Variants in NTRK3 observed in about 807,000 individuals in gnomAD.
The protein encoded by NTRK3 is neurotrophic receptor tyrosine kinase 3.
A neutral mutation model predicts 91.7 loss-of-function variants in NTRK3; 24 were observed. The ratio of observed to expected loss-of-function variants is 0.26; its 90% CI spans 0.19 to 0.37. The LOEUF (loss-of-function observed/expected upper bound fraction) is 0.37, where lower values mean the gene tolerates loss of function less well. NTRK3 is among the 10% of genes least tolerant of loss of function. The probability of loss-of-function intolerance (pLI) is 1.00; values close to 1 mark genes in which losing one functional copy is unlikely to be tolerated. For synonymous variants in NTRK3, 483 were observed against 404.0 expected, an observed-to-expected ratio of 1.20 and a Z score of -2.34; for missense variants, 880 against 1,068.9, an observed-to-expected ratio of 0.82 and a Z score of 2.46.
At chr15:87,912,529 G>A (rs578223620) in intron 17 of NTRK3, among the ~76,000 whole-genome samples, 1 of 152,190 alleles carries the variant, frequency 6.6e-6, no homozygotes, top group South Asian at 2.1e-4. Flanking sequence ...TTTGATGGTG[G>A]TTAGAGAGGA....
chr15:88,203,507 T>G (rs2048473442), intron 3 of NTRK3, among the ~76,000 whole-genome samples: 1 of 152,216 alleles, frequency 6.6e-6, no homozygotes, highest in South Asian at 2.1e-4. Flanking sequence ...TCATTCTTGT[T>G]TATAAATGAA....
chr15:87,980,403 G>A (rs1374813369), intron 14 of NTRK3, among the ~76,000 whole-genome samples: 1 of 152,072 alleles, frequency 6.6e-6, no homozygotes, highest in Non-Finnish European at 1.5e-5. Context: ...GTTTGCATGT[G>A]TATTTGTGTG....
chr15:88,038,749 A>C (rs554798844), intron 13 of NTRK3, among the ~76,000 whole-genome samples: 1 of 152,286 alleles, frequency 6.6e-6, no homozygotes, highest in Non-Finnish European at 1.5e-5. Context: ...AAAAAAGTCC[A>C]GTCTCCCCAC....
In NTRK3 at chr15:88,088,079, C is replaced by T. The variant is rs565662604; in HGVS notation, c.1396+38192G>A. ...TAAATAAGTAAATGAATACTTCCAG[C>T]TGATTGTGTGTAAATCAAGCCTCAA... On this transcript the variant is annotated intron_variant, in intron 13 of 18. Transcript: ENST00000394480. Among the ~76,000 whole-genome samples, 82 of 152,238 alleles carry T rather than the reference C, an allele frequency of 5.4e-4. 3 individuals are homozygous for T. The South Asian group carries it at 0.017, about 31-fold the overall frequency.
At chr15:88,055,168 C>T (rs1290544384) in intron 13 of NTRK3, among the ~76,000 whole-genome samples, 1 of 152,194 alleles carries the variant, frequency 6.6e-6, no homozygotes, top group East Asian at 1.9e-4. Context: ...ATGGCCTCAG[C>T]CTTCTGCAGA....
At chr15:88,187,313 G>A (rs2047019844) in intron 3 of NTRK3, among the ~76,000 whole-genome samples, 3 of 152,132 alleles carry the variant, frequency 2.0e-5, no homozygotes, top group Admixed American at 2.0e-4. Context: ...CATCAGAGCA[G>A]GTTCCGAGGA....
chr15:88,201,143 C>T (rs1476238813), intron 3 of NTRK3, among the ~76,000 whole-genome samples: 1 of 152,190 alleles, frequency 6.6e-6, no homozygotes, highest in Non-Finnish European at 1.5e-5. Flanking sequence ...TCAGCCAGAC[C>T]AGTCCCAATC....
At chr15:88,111,789 G>A (rs556410110) in intron 13 of NTRK3, among the ~76,000 whole-genome samples, 2 of 152,226 alleles carry the variant, frequency 1.3e-5, no homozygotes, top group Admixed American at 1.3e-4. Context: ...GCTGCTGTGT[G>A]GACTACTGAT....
chr15:88,191,298 G>A (rs953400453), intron 3 of NTRK3, among the ~76,000 whole-genome samples: 1 of 151,768 alleles, frequency 6.6e-6, no homozygotes, highest in Non-Finnish European at 1.5e-5. Context: ...AGCAATTCTC[G>A]TGCCTCAGCC....
intron 17 of NTRK3, among the ~76,000 whole-genome samples, chr15:87,885,457 G>C (rs1329118289): frequency 6.6e-6 from 1 of 151,836 alleles, no homozygotes; most frequent in Non-Finnish European, 1.5e-5. Context: ...AGATATACTT[G>C]AAATAGAACA....
At chr15:87,864,059 G>C (rs1567045461) in exon 19 of NTRK3, 2 of 230,880 alleles carry the variant, frequency 8.7e-6, no homozygotes, top group East Asian at 6.1e-5. Flanking sequence ...GAAATAACAT[G>C]AATCTTCCCC....
At chr15:87,908,601 A>G in intron 17 of NTRK3, 1 of 399,410 alleles carries the variant, frequency 2.5e-6, no homozygotes. Flanking sequence ...GAAGGGGGAG[A>G]GAGAAGAAAA....
intron 14 of NTRK3, among the ~76,000 whole-genome samples, chr15:88,028,135 G>A (rs2078202161): frequency 6.7e-6 from 1 of 149,542 alleles, no homozygotes; most frequent in Admixed American, 6.6e-5. Flanking sequence ...TGAGTCATCA[G>A]CAGAAAGCTG....
At chr15:87,940,576 C>A (rs758957331) in intron 15 of NTRK3, 47 bp downstream of exon 15, 12 of 1,612,426 alleles carry the variant, frequency 7.4e-6, no homozygotes, top group Admixed American at 1.7e-5. Context: ...CCTCCCTGGG[C>A]CCTCAGCCAG....
At chr15:88,107,668 C>T (rs943807191) in intron 13 of NTRK3, among the ~76,000 whole-genome samples, 1 of 152,082 alleles carries the variant, frequency 6.6e-6, no homozygotes, top group Non-Finnish European at 1.5e-5. Flanking sequence ...AGACAGGAGC[C>T]CAAGGCCTAT....
chr15:88,060,469 C>T (rs2046116570), intron 13 of NTRK3, among the ~76,000 whole-genome samples: 1 of 151,590 alleles, frequency 6.6e-6, no homozygotes, highest in Non-Finnish European at 1.5e-5. Context: ...CGTGCAAAGT[C>T]CCCAGGGAAA....
intron 13 of NTRK3, among the ~76,000 whole-genome samples, chr15:88,097,064 C>T (rs188919055): frequency 7.9e-5 from 12 of 152,320 alleles, no homozygotes; most frequent in African/African-American, 2.6e-4. Flanking sequence ...GGTCACTAAC[C>T]ACATGTGGCC....
chr15:87,863,976 CACACACACACACACACAT>C (rs1013309294), exon 19 of NTRK3: 5 of 194,486 alleles, frequency 2.6e-5, no homozygotes, highest in African/African-American at 1.0e-4. Flanking sequence ...AGGCAAAATA[CACACACACACACACACAT>C]ACACACACAC....
In NTRK3 at chr15:88,183,400, C is replaced by A. The variant is rs368496814; in HGVS notation, c.395+18G>T. ...ACCTGCCATGTGCCCCCAATCCCTG[C>A]AGCCCAGCTCTACTCACATATAACG... On this transcript the variant is annotated intron_variant, in intron 5 of 18. Transcript: ENST00000394480. 92 of 1,613,594 alleles carry A rather than the reference C, an allele frequency of 5.7e-5. No homozygotes were observed. In the African/African-American group the frequency reaches 9.1e-4, roughly 16 times the overall value.
Sources: gnomAD v4.1 joint callset for allele counts (sites outside exome capture counted in the v4.1 genomes callset) on GRCh38, gnomAD v4.1.1 for gene constraint, MANE v1.5 for transcripts, NCBI Gene and HGNC (gene_info 2026-07-23, HGNC 2026-07-21) for gene names.